The following CAPN13 variants were observed in gnomAD, a reference collection of about 807,000 sequenced individuals.
CAPN13 encodes the protein calpain-13.
A neutral mutation model predicts 98.4 loss-of-function variants in CAPN13; 90 were observed. The observed-to-expected ratio is 0.92, with a 90% CI of 0.77 to 1.09. The LOEUF (loss-of-function observed/expected upper bound fraction) is 1.09, where lower values mean the gene tolerates loss of function less well. Among genes scored for constraint, CAPN13 ranks in the 50% least tolerant of loss-of-function variants. The pLI is 0.00. For missense variants in CAPN13, 887 were observed against 841.3 expected, an observed-to-expected ratio of 1.05 and a Z score of -0.67; for synonymous variants, 330 against 305.5, an observed-to-expected ratio of 1.08 and a Z score of -0.84.
chr2:30,760,768 C>T (rs1032338677), intron 7 of CAPN13, among the ~76,000 whole-genome samples: 10 of 152,134 alleles, frequency 6.6e-5, no homozygotes, highest in African/African-American at 2.4e-4. Context: ...TATTGGCGCT[C>T]GCATGGGCCT....
Position 30,763,273 on chromosome 2 carries a change from G to T in CAPN13, c.700-117C>A. The T allele has an allele frequency of 3.7e-6, 3 of 816,646 alleles. 1 individual carries two copies. In the South Asian group the frequency reaches 4.9e-5, roughly 13 times the overall value. The allele number at this position is 816,646 out of a possible 1,614,324, so 50.6% of individuals were successfully genotyped here. On this transcript the variant is annotated intron_variant, in intron 6 of 22. Coordinates refer to ENST00000295055, the MANE Select transcript of CAPN13 (RefSeq NM_144575.3). ...GGGCCTCACTGACTCACTTGGGACT[G>T]GTATATGGCCTGGAACTCTTTTCTA... is the stretch of plus-strand genomic sequence containing the variant.
chr2:30,764,355 T>C (rs1347065337), intron 5 of CAPN13, 49 bp from the exon 6 acceptor site: 9 of 1,592,122 alleles, frequency 5.7e-6, no homozygotes, highest in Non-Finnish European at 7.7e-6. Flanking sequence ...GGTGAGATGC[T>C]CTGGGAGGGG....
chr2:30,734,384 A>T, intron 19 of CAPN13, 65 bp downstream of exon 19: 1 of 1,236,548 alleles, frequency 8.1e-7, no homozygotes, highest in South Asian at 1.2e-5. Flanking sequence ...CCTTGCTACT[A>T]GGGGTGTGGG....
intron 22 of CAPN13, among the ~76,000 whole-genome samples, 162 bp downstream of exon 22, chr2:30,730,568 G>C (rs1671033339): frequency 6.6e-6 from 1 of 152,146 alleles, no homozygotes; most frequent in Non-Finnish European, 1.5e-5. Context: ...CATTGGCCTT[G>C]AAACTCAAGG....
In CAPN13 at chr2:30,743,819, T is replaced by C; in HGVS notation, c.1249-240A>G. The stretch of plus-strand genomic sequence containing the variant: ...AATACCACACACAGTTTCATCTCAT[T>C]GGGTCTAACAGCATCCTGAGTTTCT... On this transcript the variant is annotated intron_variant, in intron 12 of 22. Transcript: ENST00000295055. 4 of 647,464 alleles carry C rather than the reference T, an allele frequency of 6.2e-6. No homozygotes were observed. In the South Asian group the frequency reaches 6.2e-5, roughly 10 times the overall value. 40.1% of individuals were successfully genotyped at this position (647,464 alleles called of 1,614,324 possible). A position where few individuals can be genotyped will look rare whatever the true frequency, so the allele number is the denominator to read the frequency against.
chr2:30,758,791 CTTT>C (rs1558314633), intron 7 of CAPN13, among the ~76,000 whole-genome samples: 1 of 85,090 alleles, frequency 1.2e-5, no homozygotes, highest in African/African-American at 5.4e-5. Flanking sequence ...CCTCCCTTTC[CTTT>C]CCTTCCTCCC....
intron 1 of CAPN13, among the ~76,000 whole-genome samples, chr2:30,802,307 T>C (rs1675327793): frequency 6.6e-6 from 1 of 152,148 alleles, no homozygotes; most frequent in African/African-American, 2.4e-5. Context: ...CTTCTTGTTC[T>C]GGAGCAAGCT....
chr2:30,759,145 C>T (rs1672683827), intron 7 of CAPN13, among the ~76,000 whole-genome samples: 3 of 51,838 alleles, frequency 5.8e-5, no homozygotes, highest in Admixed American at 3.8e-4. Flanking sequence ...CTCCCTCTTC[C>T]CCTTCCTTTT....
intron 1 of CAPN13, among the ~76,000 whole-genome samples, chr2:30,800,743 G>A (rs1675221373): frequency 6.6e-6 from 1 of 152,152 alleles, no homozygotes; most frequent in Non-Finnish European, 1.5e-5. Context: ...TTAGGTTTGT[G>A]CCAATACACA....
chr2:30,742,333 C>G lies in CAPN13; in HGVS notation c.1472G>C (p.Arg491Thr). ...ACCTTGCTGCATACCTACCTTCATT[C>G]TGAGGTTGAAATGGCTGCTCAGGTG... ...DRHLSSHFNL[R>T]MKGSPSEHGS... The change falls in exon 14 of 23, where the codon AGA (arginine) becomes ACA (threonine). Residue 491 changes from arginine (R) to threonine (T), a missense_variant. Transcript: ENST00000295055. The G allele has an allele frequency of 2.5e-6, 4 of 1,604,282 alleles. No homozygotes were observed. Among genetic ancestry groups the G allele is most frequent in the Non-Finnish European group, 3.4e-6 (4 of 1,175,376 alleles).
intron 11 of CAPN13, among the ~76,000 whole-genome samples, chr2:30,748,080 G>C (rs1350943987): frequency 6.6e-6 from 1 of 152,228 alleles, no homozygotes; most frequent in Non-Finnish European, 1.5e-5. Context: ...CTCAGAAGTT[G>C]CGTGTGTGCC....
Position 30,753,059 on chromosome 2 carries a change from T to G in CAPN13, c.1081A>C (p.Thr361Pro). Reference sequence around the variant, plus strand: ...CCACCAGCGTCATGATTACCTGCAGTGTTTCCTAGAATCACTTGCTTCCTA... The same window carrying G: ...CCACCAGCGTCATGATTACCTGCAGGGTTTCCTAGAATCACTTGCTTCCTA... ...MFRKQVILGN[T>P]AGGPRNDAQF... The change falls in exon 10 of 23, where the codon ACT becomes CCT. Residue 361 changes from threonine (T) to proline (P), a missense_variant. Physicochemically the swap from Thr to Pro is conservative, Grantham distance 38. Coordinates refer to ENST00000295055, the MANE Select transcript of CAPN13 (RefSeq NM_144575.3). 6 of 1,613,940 alleles carry G rather than the reference T, an allele frequency of 3.7e-6. No individual in the cohort carries two copies. The highest frequency in any genetic ancestry group is 5.1e-6 in the Non-Finnish European group (6 of 1,179,844).
At chr2:30,773,193 A>G (rs987460508) in intron 4 of CAPN13, among the ~76,000 whole-genome samples, 7 of 152,246 alleles carry the variant, frequency 4.6e-5, no homozygotes, top group Admixed American at 4.6e-4. Context: ...AGAATAGATT[A>G]ACATGAGATT....
chr2:30,750,775 G>A (rs1309676609), intron 11 of CAPN13, among the ~76,000 whole-genome samples: 1 of 152,166 alleles, frequency 6.6e-6, no homozygotes, highest in African/African-American at 2.4e-5. Flanking sequence ...TCTGGAGTAA[G>A]CCCAGAATCT....
intron 1 of CAPN13, among the ~76,000 whole-genome samples, chr2:30,797,467 G>A (rs976967759): frequency 6.6e-6 from 1 of 152,164 alleles, no homozygotes; most frequent in Admixed American, 6.5e-5. Flanking sequence ...ATATCTCTGA[G>A]CCTCCTTTCC....
At chr2:30,742,107 A>G in intron 14 of CAPN13, 143 bp from the exon 15 acceptor site, 1 of 976,444 alleles carries the variant, frequency 1.0e-6, no homozygotes, top group East Asian at 2.6e-5. Flanking sequence ...GGGGAATGAG[A>G]AAACTGAAGT....
intron 11 of CAPN13, among the ~76,000 whole-genome samples, chr2:30,749,956 G>A (rs1572813005): frequency 6.6e-6 from 1 of 152,228 alleles, no homozygotes; most frequent in South Asian, 2.1e-4. Flanking sequence ...TCGCATTACT[G>A]GGTATATACC....
intron 7 of CAPN13, 151 bp downstream of exon 7, chr2:30,762,931 G>T: frequency 1.8e-6 from 1 of 551,082 alleles, no homozygotes; most frequent in Non-Finnish European, 3.1e-6. Flanking sequence ...AGCTGAGGCT[G>T]TCCATGGTGC....
chr2:30,766,637 C>T (rs1293146064), intron 5 of CAPN13, among the ~76,000 whole-genome samples: 3 of 152,170 alleles, frequency 2.0e-5, no homozygotes, highest in African/African-American at 7.2e-5. Context: ...CAGCCTTGTC[C>T]CCATCCCTCT....
Sources: gnomAD v4.1 joint callset for allele counts (sites outside exome capture counted in the v4.1 genomes callset) on GRCh38, gnomAD v4.1.1 for gene constraint, MANE v1.5 for transcripts, NCBI Gene and HGNC (gene_info 2026-07-23, HGNC 2026-07-21) for gene names.